Variants in INSR observed in about 807,000 individuals in gnomAD.
INSR encodes insulin receptor.
A neutral mutation model predicts 142.6 loss-of-function variants in INSR; 67 were observed. The ratio of observed to expected loss-of-function variants is 0.47; its 90% CI spans 0.39 to 0.58. The LOEUF (loss-of-function observed/expected upper bound fraction) is 0.58. Among genes scored for constraint, INSR ranks in the 20% least tolerant of loss-of-function variants. INSR has a pLI of 0.00. For synonymous variants in INSR, 756 were observed against 743.1 expected, an observed-to-expected ratio of 1.02 and a Z score of -0.28; for missense variants, 1,248 against 1,833.2, an observed-to-expected ratio of 0.68 and a Z score of 5.83.
rs369258369 is a variant in INSR at position 7,120,570 on chromosome 19, C to A, written c.3659+50G>T. 4.0e-5 allele frequency: 64 copies of A among 1,611,870 alleles called. No individual in the cohort carries two copies. The African/African-American group carries it at 8.4e-4, about 21-fold the overall frequency. On this transcript the variant is annotated intron_variant, in intron 20 of 21. Coordinates refer to ENST00000302850, the MANE Select transcript of INSR (RefSeq NM_000208.4). ...TTCCCCCGCTCTTGGCTCTCACTAG[C>A]ACCTGGAATTCAAGCCCAGCGTCCA... is the stretch of plus-strand genomic sequence containing the variant.
At position 7,126,596 on chromosome 19, in the gene INSR, T is replaced by C. The variant is rs1364446814; in HGVS notation, c.3001A>G (p.Ser1001Gly). 1 of 1,560,506 alleles carries C rather than the reference T, an allele frequency of 6.4e-7. No individual in the cohort carries two copies. Among genetic ancestry groups the C allele is most frequent in the Non-Finnish European group, 8.7e-7 (1 of 1,150,768 alleles). Reference sequence around the variant, plus strand: ...GGATGGTACTCACCATCACTGGCACTGAGATACTCAGGGTTTGAAGAAGCG... The same window carrying C: ...GGATGGTACTCACCATCACTGGCACCGAGATACTCAGGGTTTGAAGAAGCG... ...LYASSNPEYL[S>G]ASDVFPCSVY... Residue 1001 changes from serine (S) to glycine (G), a missense_variant, in exon 16 of 22, where the codon AGT becomes GGT. Coordinates refer to ENST00000302850, the MANE Select transcript of INSR (RefSeq NM_000208.4).
chr19:7,263,635 G>A (rs560969429), intron 2 of INSR, among the ~76,000 whole-genome samples: 6 of 152,094 alleles, frequency 3.9e-5, no homozygotes, highest in Non-Finnish European at 7.3e-5. Flanking sequence ...ACCCAGGCTG[G>A]AGCTCAGTGG....
At chr19:7,228,068 C>A (rs1395572360) in intron 2 of INSR, among the ~76,000 whole-genome samples, 2 of 152,120 alleles carry the variant, frequency 1.3e-5, no homozygotes, top group African/African-American at 4.8e-5. Context: ...CCCCATGGGT[C>A]CTGCTCCCTA....
In INSR at chr19:7,142,800, G is replaced by A. The variant is rs368487810; in HGVS notation, c.2542+16C>T. ...GTCCCACCCATGACACTCGGACCCCGGAGCAGCAGCCCTACCTTCAGGCAT... is the reference window on the plus strand; with the variant it reads ...GTCCCACCCATGACACTCGGACCCCAGAGCAGCAGCCCTACCTTCAGGCAT... On this transcript the variant is annotated intron_variant, in intron 12 of 21. Transcript: ENST00000302850. 1.7e-5 allele frequency: 27 copies of A among 1,613,374 alleles called. No individual in the cohort carries two copies. The highest frequency in any genetic ancestry group is 4.5e-5 in the East Asian group (2 of 44,892).
intron 7 of INSR, among the ~76,000 whole-genome samples, chr19:7,167,074 C>T (rs1973905417): frequency 6.6e-6 from 1 of 152,094 alleles, no homozygotes. Context: ...ATCTGAAATG[C>T]TCCAATAAGC....
At chr19:7,141,254 C>T (rs1257174129) in intron 13 of INSR, among the ~76,000 whole-genome samples, 4 of 152,100 alleles carry the variant, frequency 2.6e-5, no homozygotes, top group African/African-American at 9.7e-5. Context: ...GGGGTTTCAC[C>T]ATGTTGGCCA....
chr19:7,281,139 A>G (rs1225861112), intron 1 of INSR, among the ~76,000 whole-genome samples: 1 of 152,186 alleles, frequency 6.6e-6, no homozygotes, highest in Non-Finnish European at 1.5e-5. Flanking sequence ...TTATACAGAC[A>G]AGAGCAGACA....
At chr19:7,248,504 A>G (rs953923016) in intron 2 of INSR, among the ~76,000 whole-genome samples, 1 of 144,266 alleles carries the variant, frequency 6.9e-6, no homozygotes, top group African/African-American at 2.5e-5. Flanking sequence ...AAAAAAAAAA[A>G]AAAAGCATGA....
intron 2 of INSR, among the ~76,000 whole-genome samples, chr19:7,204,849 G>C (rs8107657): frequency 0.13 from 20,277 of 152,276 alleles, 1,616 homozygotes; most frequent in African/African-American, 0.22. Flanking sequence ...GGGAGGCCGA[G>C]GCGGGCAGAG....
intron 2 of INSR, among the ~76,000 whole-genome samples, chr19:7,203,002 T>TTTTG (rs1555751339): frequency 1.6e-4 from 24 of 151,206 alleles, no homozygotes; most frequent in African/African-American, 5.6e-4. Flanking sequence ...TGTTGTTTTT[T>TTTTG]TTTTTTTTTT....
intron 2 of INSR, among the ~76,000 whole-genome samples, chr19:7,208,593 G>A (rs927870300): frequency 3.3e-5 from 5 of 152,222 alleles, no homozygotes; most frequent in African/African-American, 4.8e-5. Context: ...GCTGTGGCCG[G>A]GCGCAGTGGC....
In INSR at chr19:7,266,251, A is replaced by G. The variant is rs989810508; in HGVS notation, c.652+1094T>C. ...GTTGGCACAACATTTCCGGAACACC[A>G]TTTGTCAATCTGCACCAAGAGCCTC... On this transcript the variant is annotated intron_variant, in intron 2 of 21. Coordinates refer to ENST00000302850, the MANE Select transcript of INSR (RefSeq NM_000208.4). 3.3e-5 allele frequency among the ~76,000 whole-genome samples: 5 copies of G among 152,142 alleles called. No homozygotes were observed. The East Asian group carries it at 5.8e-4, about 18-fold the overall frequency.
chr19:7,256,391 G>A (rs1218862786), intron 2 of INSR, among the ~76,000 whole-genome samples: 1 of 152,184 alleles, frequency 6.6e-6, no homozygotes, highest in Non-Finnish European at 1.5e-5. Context: ...AGGGGTTGCA[G>A]TGAGCCGAGA....
At chr19:7,156,453 C>T (rs1209334422) in intron 9 of INSR, among the ~76,000 whole-genome samples, 15 of 152,102 alleles carry the variant, frequency 9.9e-5, no homozygotes, top group Admixed American at 9.8e-4. Context: ...TTGTCTCCTA[C>T]TAGGGACATT....
chr19:7,142,283 A>G (rs112540628), intron 12 of INSR, among the ~76,000 whole-genome samples: 2,739 of 148,516 alleles, frequency 0.018, 48 homozygotes, highest in African/African-American at 0.044. Context: ...CCAGCTACTC[A>G]GGAGGCTGAG....
chr19:7,158,186 G>A (rs2144915150), intron 9 of INSR, among the ~76,000 whole-genome samples: 1 of 151,714 alleles, frequency 6.6e-6, no homozygotes, highest in South Asian at 2.1e-4. Context: ...GTACACTGTG[G>A]TTTTCCTGAG....
chr19:7,260,800 A>G (rs79386654), intron 2 of INSR, among the ~76,000 whole-genome samples: 4,609 of 151,878 alleles, frequency 0.03, 231 homozygotes, highest in African/African-American at 0.1. Context: ...TCAGATGGAG[A>G]AACTGAGGCT....
chr19:7,286,639 C>A (rs774015218), intron 1 of INSR, among the ~76,000 whole-genome samples: 13 of 151,796 alleles, frequency 8.6e-5, no homozygotes, highest in Non-Finnish European at 1.5e-4. Context: ...CCTCCCACCT[C>A]AGCTTCCTAA....
At chr19:7,188,870 C>CAAAAAAAA (rs10549803) in intron 2 of INSR, among the ~76,000 whole-genome samples, 1 of 71,840 alleles carries the variant, frequency 1.4e-5, no homozygotes, top group Non-Finnish European at 2.7e-5. Context: ...GACTCTATCT[C>CAAAAAAAA]AAAAAAAAAA....
Sources: allele counts gnomAD v4.1 joint callset (sites outside exome capture counted in the v4.1 genomes callset), GRCh38; gene constraint gnomAD v4.1.1; transcripts MANE v1.5; gene names NCBI Gene and HGNC (gene_info 2026-07-23, HGNC 2026-07-21).